Variants in WBP2 observed in about 807,000 individuals in gnomAD.
WBP2 encodes the protein WW domain binding protein 2, also known as WW domain-binding protein 2.
A neutral mutation model predicts 33.0 loss-of-function variants in WBP2; 23 were observed. That is an observed-to-expected ratio of 0.70 (90% CI 0.50 to 0.99). The LOEUF is 0.99. WBP2 is among the 50% of genes least tolerant of loss of function. WBP2 has a pLI of 0.00. For synonymous variants in WBP2, 153 were observed against 133.5 expected (o/e 1.15, Z -1.01); for missense variants, 353 against 358.0 (o/e 0.99, Z 0.11).
In WBP2 at chr17:75,846,755, C is replaced by G; in HGVS notation, c.765G>C (p.Pro255=). Residue 255 remains proline (P), a synonymous_variant, in exon 8 of 8, where the codon CCG becomes CCC. Transcript: ENST00000254806. This position sits in a 1 kb window ranked among gnomAD's most constrained non-coding sequence, Gnocchi z 4.8. ...SQPPPPPYYP[P]EDKKTQ ...GGGCCTACTGGGTCTTCTTATCTTC[C>G]GGTGGGTAGTAGGGAGGTGGCGGCG... 1 of 1,534,386 alleles carries G rather than the reference C, an allele frequency of 6.5e-7. No homozygotes were observed. Among genetic ancestry groups the G allele is most frequent in the East Asian group, 2.4e-5 (1 of 42,514 alleles).
Position 75,848,571 on chromosome 17 carries a change from T to C in WBP2, c.396A>G (p.Gln132=). 1.9e-6 allele frequency: 3 copies of C among 1,613,716 alleles called. No homozygotes were observed. Among genetic ancestry groups the C allele is most frequent in the Non-Finnish European group, 2.5e-6 (3 of 1,179,764 alleles). Residue 132 remains glutamine (Q), a splice_region_variant and synonymous_variant, in exon 4 of 8, where the codon CAA becomes CAG. Coordinates refer to ENST00000254806, the MANE Select transcript of WBP2 (RefSeq NM_012478.4). ...FGQRMLQVAS[Q]ASRGEVPSGA... ...CCCTAATCTTCGGAGCCTGGATACCTTGAGATGCCACCTGGAGCATCCGCT... is the reference window on the plus strand; with the variant it reads ...CCCTAATCTTCGGAGCCTGGATACCCTGAGATGCCACCTGGAGCATCCGCT...
chr17:75,849,404 G>C lies in WBP2; in HGVS notation c.304+200C>G. The C allele has an allele frequency of 4.9e-6, 3 of 613,248 alleles. No individual in the cohort carries two copies. The South Asian group carries it at 6.3e-5, about 13-fold the overall frequency. The allele number at this position is 613,248 out of a possible 1,614,324, so 38.0% of individuals were successfully genotyped here. A position where few individuals can be genotyped will look rare whatever the true frequency, so the allele number is the denominator to read the frequency against. ...TGCAGACTTCACGCTCTGAAAAGCT[G>C]ATCTGAGCTGCTGTCTTTCATGCCA... On this transcript the variant is annotated intron_variant, in intron 3 of 7. Transcript: ENST00000254806.
upstream of WBP2, chr17:75,855,341 T>C: frequency 6.2e-7 from 1 of 1,605,808 alleles, no homozygotes; most frequent in Non-Finnish European, 8.5e-7. Flanking sequence ...GCAATGAGCT[T>C]GCGCCCCTCT....
intron 2 of WBP2, 116 bp from the exon 3 acceptor site, chr17:75,849,855 CA>C: frequency 7.1e-7 from 1 of 1,399,360 alleles, no homozygotes. Flanking sequence ...CCAGCAGCCC[CA>C]TGGCTCTCTC....
intron 6 of WBP2, 45 bp from the exon 7 acceptor site, chr17:75,847,029 C>A: frequency 6.2e-7 from 1 of 1,611,436 alleles, no homozygotes; most frequent in South Asian, 1.1e-5. Flanking sequence ...GTTCTCCTCC[C>A]CCTGAGCTCA....
intron 1 of WBP2, chr17:75,852,110 C>G (rs1174291937): frequency 1.2e-5 from 2 of 167,482 alleles, no homozygotes; most frequent in Non-Finnish European, 2.6e-5. Flanking sequence ...GTCTCAAAAA[C>G]AAATAAATAA....
upstream of WBP2, chr17:75,855,403 G>T: frequency 1.5e-6 from 2 of 1,346,274 alleles, no homozygotes; most frequent in Non-Finnish European, 2.1e-6. Context: ...ATCAAAGCTC[G>T]AGTGCGGAGG....
chr17:75,848,769 C>T lies in WBP2; in HGVS notation c.305-107G>A, dbSNP rs181562787. On this transcript the variant is annotated intron_variant, in intron 3 of 7. Transcript: ENST00000254806. The stretch of plus-strand genomic sequence containing the variant: ...CTTCATCCAACGCCCGGGAGGCCTG[C>T]GGGGGCTGGGCCTGCACTGTGATGG... The T allele has an allele frequency of 1.8e-5, 18 of 1,022,412 alleles. No individual in the cohort carries two copies. In the East Asian group the frequency reaches 2.6e-4, roughly 15 times the overall value. The allele number at this position is 1,022,412 out of a possible 1,614,324, so 63.3% of individuals were successfully genotyped here.
At chr17:75,849,388 C>T (rs1198235221) in intron 3 of WBP2, 1 of 573,048 alleles carries the variant, frequency 1.7e-6, no homozygotes, top group Non-Finnish European at 3.1e-6. Context: ...CTGCAGACTT[C>T]ACGCTCTGAA....
At chr17:75,854,943 T>G (rs2065048549) in intron 1 of WBP2, among the ~76,000 whole-genome samples, 1 of 152,180 alleles carries the variant, frequency 6.6e-6, no homozygotes, top group Admixed American at 6.5e-5. Context: ...TCCTCCCAGC[T>G]ACTGAAATCA....
chr17:75,851,548 T>C lies in WBP2; in HGVS notation c.168+20A>G. The C allele has an allele frequency of 6.3e-7, 1 of 1,583,898 alleles. No individual in the cohort carries two copies. Among genetic ancestry groups the C allele is most frequent in the Non-Finnish European group, 8.7e-7 (1 of 1,153,084 alleles). ...AACAGCAACAAGCCTCTCAACCAACTGCCCTGCTGTGCAACTCACCCGGTA... is the reference window on the plus strand; with the variant it reads ...AACAGCAACAAGCCTCTCAACCAACCGCCCTGCTGTGCAACTCACCCGGTA... On this transcript the variant is annotated intron_variant, in intron 2 of 7. Transcript: ENST00000254806.
Position 75,847,577 on chromosome 17 carries a change from C to G in WBP2, c.565G>C (p.Ala189Pro), listed in dbSNP as rs1241696430. Residue 189 changes from alanine (A) to proline (P), a missense_variant, in exon 6 of 8, where the codon GCC becomes CCC. Ala to Pro is a conservative substitution (Grantham distance 27). Transcript: ENST00000254806. ...GGTGGGGGCTGCACGTATCCCATGG[C>G]CCCGTCCATCATGGGGGGTCCTGGA... ...FYPGPPMMDG[A>P]MGYVQPPPPP... The G allele has an allele frequency of 6.2e-6, 10 of 1,610,366 alleles. No homozygotes were observed. The highest frequency in any genetic ancestry group is 8.5e-6 in the Non-Finnish European group (10 of 1,178,162).
Position 75,848,649 on chromosome 17 carries a change from G to A in WBP2, c.318C>T (p.Gly106=), listed in dbSNP as rs936348312. 6.2e-6 allele frequency: 10 copies of A among 1,613,672 alleles called. No homozygotes were observed. The African/African-American group carries it at 6.7e-5, about 11-fold the overall frequency. ...TGAAAGTCAACTTGTAGGAAGCAGA[G>A]CCTTCCCAGCCACCTGAAAGGGGAA... ...VKAEAGGGWE[G]SASYKLTFTA... is the part of the protein sequence containing the mutation. Residue 106 remains glycine, a synonymous_variant, in exon 4 of 8, where the codon GGC becomes GGT. Transcript: ENST00000254806.
intron 1 of WBP2, among the ~76,000 whole-genome samples, chr17:75,853,774 G>A (rs756249180): frequency 4.6e-5 from 7 of 152,070 alleles, no homozygotes; most frequent in African/African-American, 9.7e-5. Context: ...GGCTGGGCGC[G>A]GTGGCTCACT....
rs1029947068 is a variant in WBP2, at chr17:75,845,777, T to C, written c.*957A>G. 1 of 152,612 alleles carries C rather than the reference T, an allele frequency of 6.6e-6. No homozygotes were observed. The highest frequency in any genetic ancestry group is 2.4e-5 in the African/African-American group (1 of 41,466). 9.5% of individuals were successfully genotyped at this position (152,612 alleles called of 1,614,324 possible). On this transcript the variant is annotated 3_prime_UTR_variant, in exon 8 of 8. Coordinates refer to ENST00000254806, the MANE Select transcript of WBP2 (RefSeq NM_012478.4). ...AAACAGGGTTTATTTCACATTAATA[T>C]ATTAACTGGATTTTTTGTCAAATAA...
Position 75,846,971 on chromosome 17 carries a change from G to A in WBP2, c.669C>T (p.Ala223=), listed in dbSNP as rs767384822. Residue 223 remains alanine (A), a synonymous_variant, in exon 7 of 8, where the codon GCC becomes GCT. Transcript: ENST00000254806. The surrounding 1 kb of genome is among the most constrained non-coding windows in gnomAD (Gnocchi z 4.8). ...VPSTPAAEAK[A]AEAAASAYYN... ...AATAGGCGCTGGCGGCTGCTTCTGC[G>A]GCCTTGGCTTCGGCTGTGAGAGCAA... 1.1e-5 allele frequency: 17 copies of A among 1,613,956 alleles called. No individual in the cohort carries two copies. In the East Asian group the frequency reaches 2.7e-4, roughly 25 times the overall value.
In WBP2 at chr17:75,847,671, AG is replaced by A. The variant is rs944787473; in HGVS notation, c.533-63del. 14 of 1,605,348 alleles carry A rather than the reference AG, an allele frequency of 8.7e-6. No homozygotes were observed. In the Admixed American group the frequency reaches 1.0e-4, roughly 12 times the overall value. On this transcript the variant is annotated intron_variant, in intron 5 of 7. Transcript: ENST00000254806. Reference sequence around the variant, plus strand: ...CCCGGCTGCGGCCCCCTCCCGGGTGAGGGGGGCCTCTCCAGCTCCTTCGTTG... The same window carrying A: ...CCCGGCTGCGGCCCCCTCCCGGGTGAGGGGGCCTCTCCAGCTCCTTCGTTG...
At chr17:75,854,183 G>A (rs572237259) in intron 1 of WBP2, among the ~76,000 whole-genome samples, 4 of 152,042 alleles carry the variant, frequency 2.6e-5, no homozygotes, top group African/African-American at 9.6e-5. Flanking sequence ...GTCACTCTAG[G>A]CATTTTCCTC....
rs1221572591 is a variant in WBP2, at chr17:75,847,439, G to A, written c.655+48C>T. 5.1e-6 allele frequency: 8 copies of A among 1,571,662 alleles called. No homozygotes were observed. The South Asian group carries it at 9.3e-5, about 18-fold the overall frequency. On this transcript the variant is annotated intron_variant, in intron 6 of 7. Transcript: ENST00000254806. ...CTGAGGCTCTCTGTGCGACATCGGG[G>A]AGGAGAGGGCTGGTCCCGAAGGGCT...
Sources: gnomAD v4.1 joint callset for allele counts (sites outside exome capture counted in the v4.1 genomes callset) on GRCh38, gnomAD v4.1.1 for gene constraint, Gnocchi (gnomAD v3.1) non-coding constraint, MANE v1.5 for transcripts, NCBI Gene and HGNC (gene_info 2026-07-23, HGNC 2026-07-21) for gene names.